GUK1: variants seen among roughly 807,000 people sequenced by gnomAD.
GUK1 encodes the protein guanylate kinase.
A neutral mutation model predicts 25.2 loss-of-function variants in GUK1; 18 were observed. The observed-to-expected ratio is 0.71, with a 90% confidence interval of 0.49 to 1.06. GUK1 has a LOEUF of 1.06. Among genes scored for constraint, GUK1 ranks in the 50% least tolerant of loss-of-function variants. The pLI is 0.00. For synonymous variants in GUK1, 105 were observed against 117.6 expected (o/e 0.89, Z 0.69); for missense variants, 261 against 276.7 (o/e 0.94, Z 0.40).
chr1:228,140,506 G>C, intron 1 of GUK1, 143 bp downstream of exon 1: 1 of 660,534 alleles, frequency 1.5e-6, no homozygotes, highest in Non-Finnish European at 2.4e-6. Context: ...TGGGCCCTGA[G>C]AACGGGGGAG....
At position 228,147,511 on chromosome 1, in the gene GUK1, C is replaced by T; in HGVS notation, c.357C>T (p.Tyr119=). 1 of 1,613,356 alleles carries T rather than the reference C, an allele frequency of 6.2e-7. No individual in the cohort carries two copies. Among genetic ancestry groups the T allele is most frequent in the Non-Finnish European group, 8.5e-7 (1 of 1,179,970 alleles). ...AGGCCACCGATCTGCGGCCCATCTA[C>T]ATCTCTGTGCAGCCGCCTTCACTGC... Residue 119 remains tyrosine (Y), a synonymous_variant, in exon 6 of 9, where the codon TAC becomes TAT. Coordinates refer to ENST00000312726, the MANE Select transcript of GUK1 (RefSeq NM_000858.7).
In GUK1 at chr1:228,146,848, A is replaced by G; in HGVS notation, c.161A>G (p.Tyr54Cys). The G allele has an allele frequency of 6.2e-7, 1 of 1,610,328 alleles. No homozygotes were observed. Among genetic ancestry groups the G allele is most frequent in the Non-Finnish European group, 8.5e-7 (1 of 1,176,762 alleles). Residue 54 changes from tyrosine to cysteine, a missense_variant, in exon 5 of 9, where the codon TAC (tyrosine) becomes TGC (cysteine). Physicochemically the swap from Tyr to Cys is radical, Grantham distance 194 (BLOSUM62 -2). Coordinates refer to ENST00000312726, the MANE Select transcript of GUK1 (RefSeq NM_000858.7). Reference sequence around the variant, plus strand: ...GGCCCCTCCTCTTCCCCAGATTACTACTTTGTAACCAGGGAGGTGATGCAG... The same window carrying G: ...GGCCCCTCCTCTTCCCCAGATTACTGCTTTGTAACCAGGGAGGTGATGCAG...
In GUK1 at chr1:228,146,711, A is replaced by T. The variant is rs544551248; in HGVS notation, c.155-131A>T. The T allele has an allele frequency of 7.8e-4, 530 of 679,474 alleles. 2 individuals carry two copies. The highest frequency in any genetic ancestry group is 1.1e-3 in the Non-Finnish European group (390 of 367,686). The allele number at this position is 679,474 out of a possible 1,614,324, so 42.1% of individuals were successfully genotyped here. On this transcript the variant is annotated intron_variant, in intron 4 of 8. Coordinates refer to ENST00000312726, the MANE Select transcript of GUK1 (RefSeq NM_000858.7). ...AGGGGTCCTCAGATGTCTCCTGCCC[A>T]GCAAGGATCTGACTAAAGCAGTCGT...
intron 2 of GUK1, chr1:228,141,549 C>T: frequency 1.3e-6 from 1 of 778,476 alleles, no homozygotes; most frequent in Non-Finnish European, 1.6e-6. Flanking sequence ...TGAATTCTCT[C>T]GGTTCTCAGA....
chr1:228,146,117 C>T, intron 4 of GUK1, 50 bp downstream of exon 3: 4 of 1,232,716 alleles, frequency 3.2e-6, no homozygotes, highest in East Asian at 2.3e-5. Context: ...GTGGGCAGGG[C>T]TGCTGGGCCC....
intron 2 of GUK1, among the ~76,000 whole-genome samples, chr1:228,143,021 T>C (rs1345998790): frequency 6.6e-6 from 1 of 152,160 alleles, no homozygotes; most frequent in African/African-American, 2.4e-5. Flanking sequence ...TGGCAGCAGC[T>C]GGGCGAACTG....
chr1:228,140,905 G>A (rs1163052991), intron 1 of GUK1, among the ~76,000 whole-genome samples: 1 of 152,248 alleles, frequency 6.6e-6, no homozygotes, highest in African/African-American at 2.4e-5. Flanking sequence ...GCCAGAGTCC[G>A]GGTTGGGGTT....
chr1:228,148,498 A>G, intron 8 of GUK1, 42 bp downstream of exon 7: 1 of 1,490,992 alleles, frequency 6.7e-7, no homozygotes, highest in Non-Finnish European at 9.1e-7. Context: ...GCCCAAGGGG[A>G]GGCCTGGGGG....
At chr1:228,142,122 T>A (rs1202156241) in intron 2 of GUK1, among the ~76,000 whole-genome samples, 1 of 137,670 alleles carries the variant, frequency 7.3e-6, no homozygotes, top group Non-Finnish European at 1.6e-5. Context: ...GCAGGCAGCC[T>A]GTGCCTCCGC....
In GUK1 at chr1:228,148,629, C is replaced by T. The variant is rs988751046; in HGVS notation, c.562-36C>T. ...CAGGAAGCCCAGCCCTTCCTGGATACCAGCCCTCCCAACTCCCTTTCTTCC... is the reference window on the plus strand; with the variant it reads ...CAGGAAGCCCAGCCCTTCCTGGATATCAGCCCTCCCAACTCCCTTTCTTCC... On this transcript the variant is annotated intron_variant, in intron 8 of 8. Coordinates refer to ENST00000312726, the MANE Select transcript of GUK1 (RefSeq NM_000858.7). The T allele has an allele frequency of 2.6e-6, 4 of 1,566,184 alleles. No individual in the cohort carries two copies. The African/African-American group carries it at 4.0e-5, about 16-fold the overall frequency.
At chr1:228,143,613 T>C (rs1189410264) in intron 2 of GUK1, among the ~76,000 whole-genome samples, 1 of 152,054 alleles carries the variant, frequency 6.6e-6, no homozygotes, top group African/African-American at 2.4e-5. Flanking sequence ...GCTAGTGCAT[T>C]ATGGGAACCA....
chr1:228,145,447 G>A, intron 2 of GUK1, 64 bp from the exon 2 acceptor site: 10 of 1,479,972 alleles, frequency 6.8e-6, no homozygotes, highest in Non-Finnish European at 9.1e-6. Context: ...GGAAGGCAGA[G>A]GCAGCTCAGC....
intron 2 of GUK1, 115 bp from the exon 2 acceptor site, chr1:228,145,396 T>A: frequency 1.8e-6 from 2 of 1,084,546 alleles, no homozygotes; most frequent in Non-Finnish European, 2.6e-6. Context: ...CTCAGGCCAA[T>A]GTCTCCATCC....
At chr1:228,147,314 A>G in intron 5 of GUK1, 92 bp from the exon 5 acceptor site, 1 of 1,253,078 alleles carries the variant, frequency 8.0e-7, no homozygotes, top group Non-Finnish European at 1.1e-6. Context: ...GTGGGAGGAG[A>G]ACGCTGGGCC....
chr1:228,142,835 TGTG>T (rs1192954307), intron 2 of GUK1, among the ~76,000 whole-genome samples: 33 of 151,944 alleles, frequency 2.2e-4, no homozygotes, highest in African/African-American at 8.0e-4. Context: ...ACCAGGGTCT[TGTG>T]GTAGTTTGGT....
intron 7 of GUK1, 118 bp from the exon 7 acceptor site, chr1:228,148,253 C>G: frequency 2.5e-6 from 2 of 793,420 alleles, no homozygotes; most frequent in South Asian, 2.8e-5. Flanking sequence ...GGCTGGAAAG[C>G]TGTCCCACAG....
rs143422779 is a variant in GUK1, at chr1:228,148,237, C to T, written c.476-134C>T. 1,182 of 743,134 alleles carry T rather than the reference C, an allele frequency of 1.6e-3. 6 individuals are homozygous for T. The African/African-American group carries it at 0.018, about 11-fold the overall frequency. The allele number at this position is 743,134 out of a possible 1,614,324, so 46.0% of individuals were successfully genotyped here. ...GGCCCTTCCCTACCCTGCACAGGCC[C>T]GGCTGGGCTGGAAAGCTGTCCCACA... On this transcript the variant is annotated intron_variant, in intron 7 of 8. Transcript: ENST00000312726.
At chr1:228,145,361 A>T in intron 2 of GUK1, 150 bp from the exon 2 acceptor site, 1 of 772,002 alleles carries the variant, frequency 1.3e-6, no homozygotes, top group Non-Finnish European at 2.0e-6. Flanking sequence ...CTCAGGGGGA[A>T]GAACACCCAG....
At position 228,147,743 on chromosome 1, in the gene GUK1, CAG is replaced by C. The variant is rs767880201; in HGVS notation, c.475+45_475+46del. 5.7e-6 allele frequency: 9 copies of C among 1,573,510 alleles called. No individual in the cohort carries two copies. The Admixed American group carries it at 8.5e-5, about 15-fold the overall frequency. On this transcript the variant is annotated intron_variant, in intron 7 of 8. Transcript: ENST00000312726. ...CACCAGGGAATGCCAGGAGGGGAGT[CAG>C]GGTTCTGAGGTCTGTGGCACCAGGG...
Sources: allele counts gnomAD v4.1 joint callset (sites outside exome capture counted in the v4.1 genomes callset), GRCh38; gene constraint gnomAD v4.1.1; transcripts MANE v1.5; gene names NCBI Gene and HGNC (gene_info 2026-07-23, HGNC 2026-07-21).